Variants in CDH12 observed in about 807,000 individuals in gnomAD.
The protein encoded by CDH12 is cadherin-12.
In CDH12, 41 loss-of-function variants were observed where a neutral mutation model predicts 74.1. The observed-to-expected ratio is 0.55, with a 90% CI of 0.43 to 0.72. The LOEUF is 0.72. Ranked by LOEUF, CDH12 falls within the 30% of genes least tolerant of loss-of-function variation. The probability of loss-of-function intolerance (pLI) is 0.00; values close to 1 mark genes in which losing one functional copy is unlikely to be tolerated. For synonymous variants in CDH12, 399 were observed against 355.0 expected (o/e 1.12, Z -1.39); for missense variants, 945 against 977.2 (o/e 0.97, Z 0.44).
chr5:22,412,035 T>G (rs776378138), intron 2 of CDH12, among the ~76,000 whole-genome samples: 1 of 152,010 alleles, frequency 6.6e-6, no homozygotes, highest in Non-Finnish European at 1.5e-5. Flanking sequence ...TTGTTTCTAA[T>G]TAAAAAATTT....
chr5:22,431,655 C>T (rs747547356), intron 2 of CDH12, among the ~76,000 whole-genome samples: 1 of 152,148 alleles, frequency 6.6e-6, no homozygotes, highest in Admixed American at 6.6e-5. Flanking sequence ...ATGTAAGTGC[C>T]CCTGGGACAA....
chr5:22,134,532 G>A lies in CDH12; in HGVS notation c.-186-55670C>T, dbSNP rs199822378. Among the ~76,000 whole-genome samples the A allele has an allele frequency of 8.3e-4, 124 of 150,238 alleles. 4 individuals carry two copies. The East Asian group carries it at 0.022, about 27-fold the overall frequency. On this transcript the variant is annotated intron_variant, in intron 4 of 14. Coordinates refer to ENST00000382254, the MANE Select transcript of CDH12 (RefSeq NM_004061.5). ...TGAATAGATTCACTCAGGGAGACAA[G>A]TTAGCATATCTTTCATCTTTTTATA...
chr5:22,336,718 A>G (rs1739600087), intron 3 of CDH12, among the ~76,000 whole-genome samples: 1 of 152,244 alleles, frequency 6.6e-6, no homozygotes, highest in Non-Finnish European at 1.5e-5. Context: ...AATGGCCTAG[A>G]TGCCCAGGCA....
rs967457220 is a variant in CDH12, at chr5:22,355,543, A to T, written c.-333+49714T>A. 1.8e-4 allele frequency among the ~76,000 whole-genome samples: 27 copies of T among 149,812 alleles called. No individual in the cohort carries two copies. The South Asian group carries it at 2.5e-3, about 14-fold the overall frequency. ...AAAAAAATATATATATATATATATA[A>T]AACTATCTTACATGTCTTTTAAAAT... On this transcript the variant is annotated intron_variant, in intron 3 of 14. Transcript: ENST00000382254.
At chr5:22,745,779 G>A (rs1335968576) in intron 1 of CDH12, among the ~76,000 whole-genome samples, 1 of 152,076 alleles carries the variant, frequency 6.6e-6, no homozygotes, top group Non-Finnish European at 1.5e-5. Context: ...GAGGGTGGGA[G>A]GAAGGAGAGA....
intron 6 of CDH12, among the ~76,000 whole-genome samples, chr5:21,878,183 G>A (rs1380729743): frequency 6.6e-6 from 1 of 152,132 alleles, no homozygotes; most frequent in African/African-American, 2.4e-5. Flanking sequence ...TTAAGGTTTT[G>A]TTTCTCCTGT....
At chr5:21,793,829 T>C (rs1746632857) in intron 10 of CDH12, among the ~76,000 whole-genome samples, 1 of 151,600 alleles carries the variant, frequency 6.6e-6, no homozygotes, top group African/African-American at 2.4e-5. Flanking sequence ...AATGATTCAT[T>C]TCTCTTGTGT....
intron 1 of CDH12, among the ~76,000 whole-genome samples, chr5:22,669,953 A>G (rs935114486): frequency 6.6e-6 from 1 of 152,040 alleles, no homozygotes; most frequent in African/African-American, 2.4e-5. Context: ...CTTCCATAAT[A>G]TTTTCATGCA....
chr5:22,292,442 A>C (rs1737436455), intron 3 of CDH12, among the ~76,000 whole-genome samples: 1 of 151,796 alleles, frequency 6.6e-6, no homozygotes, highest in South Asian at 2.1e-4. Flanking sequence ...GGAAACAATC[A>C]ACAGAGTAAA....
intron 1 of CDH12, among the ~76,000 whole-genome samples, chr5:22,752,557 T>TC (rs1561005330): frequency 1.2e-4 from 4 of 33,604 alleles, no homozygotes; most frequent in African/African-American, 4.6e-4. Context: ...TTTTTTTTTT[T>TC]TTTTTTTTTT....
chr5:21,973,298 C>T (rs562956480), intron 6 of CDH12, among the ~76,000 whole-genome samples: 1 of 152,260 alleles, frequency 6.6e-6, no homozygotes, highest in South Asian at 2.1e-4. Context: ...TGGGAAATTT[C>T]AGTAAGGGCA....
At chr5:21,853,487 T>C (rs1750584357) in intron 7 of CDH12, among the ~76,000 whole-genome samples, 1 of 151,590 alleles carries the variant, frequency 6.6e-6, no homozygotes, top group Admixed American at 6.6e-5. Context: ...TGGCCCCTAT[T>C]GGCTTAATGA....
At chr5:22,149,532 G>A (rs1249899630) in intron 4 of CDH12, among the ~76,000 whole-genome samples, 1 of 152,146 alleles carries the variant, frequency 6.6e-6, no homozygotes, top group Non-Finnish European at 1.5e-5. Flanking sequence ...TGCAGAATAA[G>A]CAGTGCTTTC....
At chr5:21,844,999 G>GA (rs1554036756) in intron 7 of CDH12, among the ~76,000 whole-genome samples, 1 of 149,600 alleles carries the variant, frequency 6.7e-6, no homozygotes, top group African/African-American at 2.5e-5. Context: ...ACTGAGGTAG[G>GA]TAGATAGATA....
chr5:22,549,143 T>C (rs1033117087), intron 1 of CDH12, among the ~76,000 whole-genome samples: 1 of 151,784 alleles, frequency 6.6e-6, no homozygotes, highest in Non-Finnish European at 1.5e-5. Flanking sequence ...TTTTGTTTTT[T>C]TTGTTTTTTT....
intron 3 of CDH12, among the ~76,000 whole-genome samples, chr5:22,394,408 G>T (rs920329357): frequency 1.3e-5 from 2 of 152,004 alleles, no homozygotes; most frequent in African/African-American, 2.4e-5. Context: ...AAATCTACAG[G>T]CAACAAACAG....
At chr5:22,772,446 C>A (rs1160562814) in intron 1 of CDH12, among the ~76,000 whole-genome samples, 1 of 151,990 alleles carries the variant, frequency 6.6e-6, no homozygotes, top group East Asian at 1.9e-4. Flanking sequence ...CCAAGGAGTT[C>A]ATTTGAAAAT....
intron 6 of CDH12, among the ~76,000 whole-genome samples, chr5:21,904,795 C>G: frequency 8.8e-6 from 1 of 114,018 alleles, no homozygotes; most frequent in Non-Finnish European, 2.0e-5. Flanking sequence ...AACAAACAAA[C>G]AAAAAACAGA....
intron 4 of CDH12, among the ~76,000 whole-genome samples, chr5:22,122,519 G>A (rs1745579128): frequency 6.6e-6 from 1 of 152,136 alleles, no homozygotes; most frequent in South Asian, 2.1e-4. Flanking sequence ...TACACTACCA[G>A]CTTTATCATT....
Sources: allele counts gnomAD v4.1 joint callset (sites outside exome capture counted in the v4.1 genomes callset), GRCh38; gene constraint gnomAD v4.1.1; transcripts MANE v1.5; gene names NCBI Gene and HGNC (gene_info 2026-07-23, HGNC 2026-07-21).